Variants in TCTN2 observed in about 807,000 individuals in gnomAD.
The protein encoded by TCTN2 is tectonic family member 2, also known as tectonic-2.
A neutral mutation model predicts 83.4 loss-of-function variants in TCTN2; 66 were observed. That is an observed-to-expected ratio of 0.79 (90% CI 0.65 to 0.97). TCTN2 has a LOEUF of 0.97. Ranked by LOEUF, TCTN2 falls within the 50% of genes least tolerant of loss-of-function variation. The pLI is 0.00. For missense variants in TCTN2, 794 were observed against 858.1 expected, an observed-to-expected ratio of 0.93 and a Z score of 0.93; for synonymous variants, 301 against 326.7, an observed-to-expected ratio of 0.92 and a Z score of 0.85.
chr12:123,697,894 T>A (rs538768583), intron 13 of TCTN2, among the ~76,000 whole-genome samples: 2 of 150,748 alleles, frequency 1.3e-5, no homozygotes, highest in East Asian at 3.9e-4. Context: ...AGGGTCTCAC[T>A]GTGTTTCCCA....
At chr12:123,695,155 A>G (rs761010998) in intron 10 of TCTN2, 65 bp from the exon 11 acceptor site, 1 of 1,384,684 alleles carries the variant, frequency 7.2e-7, no homozygotes, top group African/African-American at 1.4e-5. Context: ...GGTAAACACT[A>G]TGGAGAATAA....
At chr12:123,699,021 G>T (rs1956141582) in intron 13 of TCTN2, among the ~76,000 whole-genome samples, 1 of 152,054 alleles carries the variant, frequency 6.6e-6, no homozygotes. Flanking sequence ...AGATATATAG[G>T]TTACTTTTAC....
intron 7 of TCTN2, among the ~76,000 whole-genome samples, chr12:123,689,228 AT>A (rs931126373): frequency 1.3e-5 from 2 of 151,430 alleles, no homozygotes; most frequent in African/African-American, 4.9e-5. Context: ...TTCCTGGCTA[AT>A]TTTTTGTAGA....
At chr12:123,672,013 T>C in intron 2 of TCTN2, 43 bp from the exon 3 acceptor site, 1 of 1,551,794 alleles carries the variant, frequency 6.4e-7, no homozygotes, top group Non-Finnish European at 8.9e-7. Flanking sequence ...CCCCCTGAGC[T>C]GCTGGACCTT....
intron 5 of TCTN2, among the ~76,000 whole-genome samples, chr12:123,684,039 C>G (rs575740207): frequency 6.6e-6 from 1 of 152,250 alleles, no homozygotes; most frequent in East Asian, 1.9e-4. Flanking sequence ...TGGGTGAGGA[C>G]AGTTAATGTT....
intron 14 of TCTN2, among the ~76,000 whole-genome samples, chr12:123,704,004 CTT>C (rs11348520): frequency 0.016 from 1,815 of 110,206 alleles, 25 homozygotes; most frequent in African/African-American, 0.061. Context: ...TACAAGGAAA[CTT>C]TTTTTTTTTT....
intron 5 of TCTN2, among the ~76,000 whole-genome samples, chr12:123,684,855 T>A (rs1012531800): frequency 6.6e-6 from 1 of 151,796 alleles, no homozygotes; most frequent in East Asian, 2.0e-4. Flanking sequence ...ATAGAGAACA[T>A]CCTGGCCAAC....
rs78862438 is a variant in TCTN2, at chr12:123,685,341, A to C, written c.565-1495A>C. Reference sequence around the variant, plus strand: ...ATCACTTCTCTACTGTCAATAAACAAAGATTCAGGACGTAATTTAACTTAC... The same window carrying C: ...ATCACTTCTCTACTGTCAATAAACACAGATTCAGGACGTAATTTAACTTAC... On this transcript the variant is annotated intron_variant, in intron 5 of 17. Coordinates refer to ENST00000303372, the MANE Select transcript of TCTN2 (RefSeq NM_024809.5). Among the ~76,000 whole-genome samples, 546 of 152,348 alleles carry C rather than the reference A, an allele frequency of 3.6e-3. 3 individuals are homozygous for C. Among genetic ancestry groups the C allele is most frequent in the African/African-American group, 0.012 (504 of 41,580 alleles).
chr12:123,699,642 G>A (rs1227018820), intron 13 of TCTN2, 62 bp from the exon 14 acceptor site: 1 of 1,350,242 alleles, frequency 7.4e-7, no homozygotes, highest in Non-Finnish European at 1.1e-6. Context: ...GACATTCACT[G>A]GAAATGACTT....
rs546664921 is a variant in TCTN2, at chr12:123,685,018, C to G, written c.565-1818C>G. Among the ~76,000 whole-genome samples, 9 of 150,980 alleles carry G rather than the reference C, an allele frequency of 6.0e-5. No homozygotes were observed. The South Asian group carries it at 1.9e-3, about 32-fold the overall frequency. On this transcript the variant is annotated intron_variant, in intron 5 of 17. Transcript: ENST00000303372. ...TGAGCTGAGATCGCGCCACTGCACT[C>G]CAGCCTGGGTGACAGAGCGAGACTC... is the stretch of plus-strand genomic sequence containing the variant.
chr12:123,700,716 C>T (rs551723147), intron 14 of TCTN2, among the ~76,000 whole-genome samples: 26 of 152,316 alleles, frequency 1.7e-4, no homozygotes, highest in South Asian at 4.1e-4. Context: ...TAGGCGTTAG[C>T]CACCGTGCCA....
Position 123,687,044 on chromosome 12 carries a change from C to T in TCTN2, c.764+9C>T. The T allele has an allele frequency of 6.2e-7, 1 of 1,614,110 alleles. No homozygotes were observed. The highest frequency in any genetic ancestry group is 8.5e-7 in the Non-Finnish European group (1 of 1,179,966). ...TTCTATCATGGTGCTGTGTAAGTGTCTGAGCAGCCGCCTGGGATGGGGCAT... is the reference window on the plus strand; with the variant it reads ...TTCTATCATGGTGCTGTGTAAGTGTTTGAGCAGCCGCCTGGGATGGGGCAT... On this transcript the variant is annotated intron_variant, in intron 6 of 17. Coordinates refer to ENST00000303372, the MANE Select transcript of TCTN2 (RefSeq NM_024809.5).
rs146922227 is a variant in TCTN2 at position 123,708,155 on chromosome 12, A to G, written c.*442A>G. 2.9e-3 allele frequency: 549 copies of G among 188,672 alleles called. 3 individuals carry two copies. Among genetic ancestry groups the G allele is most frequent in the African/African-American group, 0.012 (505 of 41,502 alleles). The allele number at this position is 188,672 out of a possible 1,614,324, so 11.7% of individuals were successfully genotyped here. ...TAGCTGGGACCACAGATGCTCCACCATGCCTGGCTGTATTTTTGGTAAAGA... is the reference window on the plus strand; with the variant it reads ...TAGCTGGGACCACAGATGCTCCACCGTGCCTGGCTGTATTTTTGGTAAAGA... On this transcript the variant is annotated 3_prime_UTR_variant, in exon 18 of 18. Coordinates refer to ENST00000303372, the MANE Select transcript of TCTN2 (RefSeq NM_024809.5).
rs1293586933 is a variant in TCTN2, at chr12:123,694,867, C to A, written c.1125C>A (p.Thr375=). The change falls in exon 10 of 18, where the codon ACC becomes ACA. Residue 375 remains threonine (T), a synonymous_variant. Coordinates refer to ENST00000303372, the MANE Select transcript of TCTN2 (RefSeq NM_024809.5). ...AAACTCCTTTAAATAACGGATCAAC[C>A]CCTAGAATTGTGAATGTGGAAGAAC... The part of the protein sequence containing the change: ...NTETPLNNGS[T]PRIVNVEEHY... The A allele has an allele frequency of 1.2e-6, 2 of 1,612,966 alleles. No homozygotes were observed. The highest frequency in any genetic ancestry group is 2.2e-5 in the East Asian group (1 of 44,876).
chr12:123,678,221 G>A (rs192236615), intron 4 of TCTN2, among the ~76,000 whole-genome samples: 17 of 152,294 alleles, frequency 1.1e-4, no homozygotes, highest in Non-Finnish European at 2.9e-5. Context: ...CCACAGCCAC[G>A]AACCATGTCT....
At chr12:123,688,914 G>A (rs558131694) in intron 7 of TCTN2, among the ~76,000 whole-genome samples, 5 of 151,530 alleles carry the variant, frequency 3.3e-5, no homozygotes, top group Non-Finnish European at 7.4e-5. Flanking sequence ...GCACCACCAC[G>A]CCCAGCTAAT....
chr12:123,694,936 T>A lies in TCTN2; in HGVS notation c.1194T>A (p.Asn398Lys). The A allele has an allele frequency of 6.2e-7, 1 of 1,613,704 alleles. No individual in the cohort carries two copies. The highest frequency in any genetic ancestry group is 8.5e-7 in the Non-Finnish European group (1 of 1,179,672). ...KWNNNTISEI[N>K]VKIFRAEINA... is the part of the protein sequence containing the mutation. ...ATAATAATACCATCAGTGAAATAAA[T>A]GTTAAAATTTTTAGGGCAGAGATTA... Residue 398 changes from asparagine (N) to lysine (K), a missense_variant, in exon 10 of 18, where the codon AAT becomes AAA. By Grantham distance (94) the Asn-to-Lys change is moderately conservative (BLOSUM62 0). Transcript: ENST00000303372.
chr12:123,680,615 C>T (rs1237224845), intron 5 of TCTN2, among the ~76,000 whole-genome samples: 1 of 150,240 alleles, frequency 6.7e-6, no homozygotes, highest in Non-Finnish European at 1.5e-5. Flanking sequence ...CTCCTGGATT[C>T]AAGTGATTCT....
At chr12:123,684,646 C>T (rs969781849) in intron 5 of TCTN2, among the ~76,000 whole-genome samples, 4 of 152,060 alleles carry the variant, frequency 2.6e-5, no homozygotes, top group African/African-American at 7.2e-5. Flanking sequence ...GTGATCTACC[C>T]ACCTTGGCTT....
Sources: gnomAD v4.1 joint callset for allele counts (sites outside exome capture counted in the v4.1 genomes callset) on GRCh38, gnomAD v4.1.1 for gene constraint, MANE v1.5 for transcripts, NCBI Gene and HGNC (gene_info 2026-07-23, HGNC 2026-07-21) for gene names.